Variants in TAFA1 observed in about 807,000 individuals in gnomAD.
TAFA1 encodes the protein TAFA chemokine like family member 1.
TAFA1 carries 4 observed loss-of-function variants against 18.5 expected under a neutral mutation model. The ratio of observed to expected loss-of-function variants is 0.22; its 90% CI spans 0.11 to 0.49. The LOEUF is 0.49. TAFA1 is among the 20% of genes least tolerant of loss of function. TAFA1 has a pLI of 0.98. For synonymous variants in TAFA1, 56 were observed against 55.2 expected, an observed-to-expected ratio of 1.01 and a Z score of -0.06; for missense variants, 147 against 169.0, an observed-to-expected ratio of 0.87 and a Z score of 0.72.
chr3:68,494,739 T>C (rs565114469), intron 3 of TAFA1, among the ~76,000 whole-genome samples: 9 of 152,344 alleles, frequency 5.9e-5, no homozygotes, highest in African/African-American at 1.9e-4. Context: ...TTTAAGCCTC[T>C]GTTATTTCTG....
intron 2 of TAFA1, among the ~76,000 whole-genome samples, chr3:68,179,618 G>A (rs2066169971): frequency 6.6e-6 from 1 of 152,120 alleles, no homozygotes; most frequent in South Asian, 2.1e-4. Flanking sequence ...CCTCTTGTTT[G>A]CAACTCCAGC....
rs1358151200 is a variant in TAFA1, at chr3:68,417,417, G to A, written c.256G>A (p.Asp86Asn). 9 of 1,613,334 alleles carry A rather than the reference G, an allele frequency of 5.6e-6. No homozygotes were observed. Among genetic ancestry groups the A allele is most frequent in the Admixed American group, 1.7e-5 (1 of 59,966 alleles). ...AACAAGAAACCGGCCTTCTTGCGTCGATGGTAGGTACCTGGTTTTACCTCT... is the reference window on the plus strand; with the variant it reads ...AACAAGAAACCGGCCTTCTTGCGTCAATGGTAGGTACCTGGTTTTACCTCT... ...GTTRNRPSCV[D>N]ASIVIGKWWC... is the part of the protein sequence containing the mutation. The change falls in exon 3 of 5, where the codon GAT becomes AAT. Residue 86 changes from aspartate to asparagine, a missense_variant. Physicochemically the swap from Asp to Asn is conservative, Grantham distance 23. Coordinates refer to ENST00000478136, the MANE Select transcript of TAFA1 (RefSeq NM_213609.4).
intron 2 of TAFA1, among the ~76,000 whole-genome samples, chr3:68,054,000 T>A (rs1384702229): frequency 6.6e-6 from 1 of 152,202 alleles, no homozygotes; most frequent in Non-Finnish European, 1.5e-5. Flanking sequence ...CCACCATGAC[T>A]GACCTACTTT....
chr3:68,290,384 T>C (rs572954284), intron 2 of TAFA1, among the ~76,000 whole-genome samples: 2 of 152,272 alleles, frequency 1.3e-5, no homozygotes, highest in African/African-American at 4.8e-5. Flanking sequence ...ATTATTCTTG[T>C]TCACATCTGT....
chr3:68,214,512 T>C (rs757055949), intron 2 of TAFA1, among the ~76,000 whole-genome samples: 2 of 152,062 alleles, frequency 1.3e-5, no homozygotes. Flanking sequence ...AGGAGCATAG[T>C]GTTCGAGAGC....
intron 2 of TAFA1, among the ~76,000 whole-genome samples, chr3:68,295,683 T>G (rs1331389411): frequency 6.6e-6 from 1 of 152,222 alleles, no homozygotes; most frequent in African/African-American, 2.4e-5. Flanking sequence ...CATAACTCAC[T>G]GCAGCCTCAA....
At chr3:67,998,559 T>C in the TAFA1 span, among the ~76,000 whole-genome samples, 1 of 152,200 alleles carries the variant, frequency 6.6e-6, no homozygotes, top group Non-Finnish European at 1.5e-5. Context: ...TAATGAGGCA[T>C]GACAAGTAAT....
intron 2 of TAFA1, among the ~76,000 whole-genome samples, chr3:68,007,629 C>A (rs1036386027): frequency 1.9e-4 from 29 of 149,092 alleles, no homozygotes; most frequent in Admixed American, 5.3e-4. Context: ...CTCCCTTCCT[C>A]TCTCGCGACG....
intron 2 of TAFA1, among the ~76,000 whole-genome samples, chr3:68,223,270 G>A (rs2066754693): frequency 6.6e-6 from 1 of 152,142 alleles, no homozygotes; most frequent in Non-Finnish European, 1.5e-5. Flanking sequence ...ATACTTGAAA[G>A]GAAATCTCTG....
chr3:68,204,485 G>A (rs893878468), intron 2 of TAFA1, among the ~76,000 whole-genome samples: 2 of 151,586 alleles, frequency 1.3e-5, no homozygotes, highest in Non-Finnish European at 3.0e-5. Flanking sequence ...GATGTGCTCA[G>A]CTGTGGACCA....
chr3:68,132,298 G>C (rs913411463), intron 2 of TAFA1, among the ~76,000 whole-genome samples: 3 of 152,138 alleles, frequency 2.0e-5, no homozygotes, highest in African/African-American at 7.2e-5. Context: ...ATTTGGGTTG[G>C]TTCCAAGTCT....
intron 3 of TAFA1, among the ~76,000 whole-genome samples, chr3:68,527,871 T>C (rs532558823): frequency 2.6e-5 from 4 of 152,020 alleles, no homozygotes; most frequent in African/African-American, 4.8e-5. Flanking sequence ...AATCCTCCCA[T>C]TTCACAATCC....
chr3:68,205,275 C>T lies in TAFA1; in HGVS notation c.118+198531C>T, dbSNP rs191968345. 1.4e-3 allele frequency among the ~76,000 whole-genome samples: 206 copies of T among 152,030 alleles called. 3 individuals are homozygous for T. The highest frequency in any genetic ancestry group is 0.012 in the Admixed American group (185 of 15,256). ...AACCCATTGGAAATCATTACAAGCA[C>T]TGAGGTCCTGGTTATGTTCATTTCA... On this transcript the variant is annotated intron_variant, in intron 2 of 4. Transcript: ENST00000478136.
chr3:68,121,743 A>G (rs2065401911), intron 2 of TAFA1, among the ~76,000 whole-genome samples: 1 of 152,170 alleles, frequency 6.6e-6, no homozygotes, highest in African/African-American at 2.4e-5. Context: ...AGATCTATCA[A>G]AACGTAGCAT....
intron 2 of TAFA1, among the ~76,000 whole-genome samples, chr3:68,104,222 G>A (rs1277610064): frequency 6.6e-6 from 1 of 152,086 alleles, no homozygotes; most frequent in Non-Finnish European, 1.5e-5. Context: ...GGTCTATTGT[G>A]TTTATTTAGC....
intron 2 of TAFA1, among the ~76,000 whole-genome samples, chr3:68,386,810 T>C (rs1398879462): frequency 6.6e-6 from 1 of 152,132 alleles, no homozygotes; most frequent in Non-Finnish European, 1.5e-5. Context: ...GCTTATTTTG[T>C]TTGAGACAAT....
At chr3:68,446,434 C>G (rs771409705) in intron 3 of TAFA1, among the ~76,000 whole-genome samples, 1 of 152,112 alleles carries the variant, frequency 6.6e-6, no homozygotes, top group Non-Finnish European at 1.5e-5. Context: ...CTGGCCCCCT[C>G]CCTTCTATCT....
At chr3:68,118,537 T>A (rs892166526) in intron 2 of TAFA1, among the ~76,000 whole-genome samples, 5 of 152,144 alleles carry the variant, frequency 3.3e-5, no homozygotes, top group African/African-American at 1.2e-4. Flanking sequence ...TTTCCTCCTC[T>A]TTCCCAGCAC....
At chr3:68,220,239 T>C (rs1397240422) in intron 2 of TAFA1, among the ~76,000 whole-genome samples, 2 of 152,158 alleles carry the variant, frequency 1.3e-5, no homozygotes, top group African/African-American at 4.8e-5. Context: ...ACTTTTTAAT[T>C]TTGTAACAAA....
Sources: allele counts gnomAD v4.1 joint callset (sites outside exome capture counted in the v4.1 genomes callset), GRCh38; gene constraint gnomAD v4.1.1; transcripts MANE v1.5; gene names NCBI Gene and HGNC (gene_info 2026-07-23, HGNC 2026-07-21).